Variants in PLXDC2 observed in about 807,000 individuals in gnomAD.
PLXDC2 encodes the protein plexin domain-containing protein 2.
In PLXDC2, 40 loss-of-function variants were observed where a neutral mutation model predicts 68.9. That is an observed-to-expected ratio of 0.58 (90% CI 0.45 to 0.76). The LOEUF is 0.76. Ranked by LOEUF, PLXDC2 falls within the 30% of genes least tolerant of loss-of-function variation. PLXDC2 has a pLI of 0.00. For missense variants in PLXDC2, 644 were observed against 661.9 expected (o/e 0.97, Z 0.30); for synonymous variants, 243 against 234.2 (o/e 1.04, Z -0.34).
chr10:20,212,383 A>T (rs917044052), intron 10 of PLXDC2, among the ~76,000 whole-genome samples: 1 of 152,134 alleles, frequency 6.6e-6, no homozygotes, highest in Non-Finnish European at 1.5e-5. Context: ...AGAGACAAGG[A>T]TGCAGTGAAG....
chr10:19,878,664 A>G (rs761959128), intron 1 of PLXDC2, among the ~76,000 whole-genome samples: 9 of 152,190 alleles, frequency 5.9e-5, no homozygotes, highest in South Asian at 2.1e-4. Flanking sequence ...ATTGAAGCTC[A>G]TATGGTTTAA....
At chr10:19,963,211 C>T (rs964589463) in intron 1 of PLXDC2, among the ~76,000 whole-genome samples, 3 of 152,134 alleles carry the variant, frequency 2.0e-5, no homozygotes, top group Non-Finnish European at 2.9e-5. Flanking sequence ...AGAAGTAACA[C>T]ACTCCATTGA....
At chr10:20,059,792 C>G (rs570426309) in intron 3 of PLXDC2, among the ~76,000 whole-genome samples, 3 of 151,886 alleles carry the variant, frequency 2.0e-5, no homozygotes, top group Non-Finnish European at 4.4e-5. Context: ...AAAAAAAATT[C>G]TACATGGTAA....
chr10:20,037,759 A>G (rs896394176), intron 2 of PLXDC2, among the ~76,000 whole-genome samples: 1 of 152,202 alleles, frequency 6.6e-6, no homozygotes, highest in Admixed American at 6.6e-5. Context: ...ATGGCCATAT[A>G]GCTCACCCAA....
chr10:19,965,600 T>G (rs1834234051), intron 1 of PLXDC2, among the ~76,000 whole-genome samples: 1 of 152,058 alleles, frequency 6.6e-6, no homozygotes, highest in African/African-American at 2.4e-5. Context: ...AATAAAGCTG[T>G]GTTTGTGGTG....
chr10:19,913,323 T>C (rs1368183521), intron 1 of PLXDC2, among the ~76,000 whole-genome samples: 2 of 152,070 alleles, frequency 1.3e-5, no homozygotes, highest in East Asian at 3.9e-4. Context: ...CCTCCTGCTC[T>C]CCCTTTCCTT....
intron 1 of PLXDC2, among the ~76,000 whole-genome samples, chr10:19,842,355 G>T (rs745802026): frequency 6.6e-6 from 1 of 152,058 alleles, no homozygotes; most frequent in African/African-American, 2.4e-5. Flanking sequence ...CTTAGCATGC[G>T]TTGAGGCATA....
chr10:19,928,154 A>G (rs73603671), intron 1 of PLXDC2, among the ~76,000 whole-genome samples: 5,578 of 152,318 alleles, frequency 0.037, 344 homozygotes, highest in African/African-American at 0.13. Context: ...ATAGTATTCC[A>G]TAGTGTATAT....
At chr10:20,086,696 C>T (rs771757532) in intron 4 of PLXDC2, among the ~76,000 whole-genome samples, 6 of 152,092 alleles carry the variant, frequency 3.9e-5, no homozygotes, top group Non-Finnish European at 8.8e-5. Context: ...TTTTCCTCCC[C>T]TTCGAGAACA....
At chr10:20,073,697 G>C (rs879443317) in intron 4 of PLXDC2, among the ~76,000 whole-genome samples, 2 of 151,806 alleles carry the variant, frequency 1.3e-5, no homozygotes, top group Non-Finnish European at 2.9e-5. Flanking sequence ...AAATATTTCA[G>C]GCACTAGAAA....
chr10:20,216,844 C>A (rs114641761), intron 10 of PLXDC2, among the ~76,000 whole-genome samples: 2 of 152,160 alleles, frequency 1.3e-5, no homozygotes, highest in East Asian at 3.9e-4. Context: ...GGAAAATAGG[C>A]TGAGTGATTA....
rs577533492 is a variant in PLXDC2, at chr10:19,894,618, A to G, written c.112+77427A>G. Among the ~76,000 whole-genome samples, 8 of 152,318 alleles carry G rather than the reference A, an allele frequency of 5.3e-5. No individual in the cohort carries two copies. The East Asian group carries it at 1.3e-3, about 26-fold the overall frequency. ...GGCATAAGTATTTTTATTTTTATCT[A>G]CAATGTTACATCAGCACTATCAGGT... On this transcript the variant is annotated intron_variant, in intron 1 of 13. Transcript: ENST00000377252.
rs564058032 is a variant in PLXDC2 at position 20,285,230 on chromosome 10, G to A, written c.*5411G>A. On this transcript the variant is annotated 3_prime_UTR_variant, in exon 14 of 14. Coordinates refer to ENST00000377252, the MANE Select transcript of PLXDC2 (RefSeq NM_032812.9). ...CTTTTATATACTCCTATTACCTTATGTTTGTGAAGCATTTTACATTTTACA... is the reference window on the plus strand; with the variant it reads ...CTTTTATATACTCCTATTACCTTATATTTGTGAAGCATTTTACATTTTACA... 7 of 152,156 alleles carry A rather than the reference G, an allele frequency of 4.6e-5. No homozygotes were observed. The highest frequency in any genetic ancestry group is 1.7e-4 in the African/African-American group (7 of 41,486). The allele number at this position is 152,156 out of a possible 1,614,324, so 9.4% of individuals were successfully genotyped here.
intron 4 of PLXDC2, among the ~76,000 whole-genome samples, chr10:20,099,199 G>A (rs1233213242): frequency 1.3e-5 from 2 of 151,996 alleles, no homozygotes; most frequent in Non-Finnish European, 2.9e-5. Context: ...TGAAATATTT[G>A]GAAAATACTG....
chr10:19,931,952 A>AGTGTGTGT (rs33953625), intron 1 of PLXDC2, among the ~76,000 whole-genome samples: 6,889 of 149,704 alleles, frequency 0.046, 157 homozygotes, highest in Non-Finnish European at 0.061. Flanking sequence ...TAATTTGGGA[A>AGTGTGTGT]GTGTGTGTGT....
At chr10:20,164,371 C>G in intron 6 of PLXDC2, 97 bp from the exon 7 acceptor site, 1 of 996,100 alleles carries the variant, frequency 1.0e-6, no homozygotes, top group Non-Finnish European at 1.6e-6. Flanking sequence ...TATCTCCTTC[C>G]CATGGTTTTG....
At chr10:20,008,025 GT>G (rs1225341327) in intron 2 of PLXDC2, among the ~76,000 whole-genome samples, 1 of 152,178 alleles carries the variant, frequency 6.6e-6, no homozygotes, top group Non-Finnish European at 1.5e-5. Flanking sequence ...GAGATAAACA[GT>G]TTTTCTCTTA....
At chr10:20,182,833 C>T (rs1248584150) in intron 9 of PLXDC2, among the ~76,000 whole-genome samples, 2 of 151,970 alleles carry the variant, frequency 1.3e-5, no homozygotes, top group Admixed American at 6.6e-5. Flanking sequence ...TGTCCTACTG[C>T]TGTCCCTCCC....
chr10:19,905,561 G>A (rs1318637680), intron 1 of PLXDC2, among the ~76,000 whole-genome samples: 3 of 152,052 alleles, frequency 2.0e-5, no homozygotes, highest in Non-Finnish European at 4.4e-5. Context: ...AAAGGTGGCA[G>A]GACTGGTGAT....
Sources: allele counts gnomAD v4.1 joint callset (sites outside exome capture counted in the v4.1 genomes callset), GRCh38; gene constraint gnomAD v4.1.1; transcripts MANE v1.5; gene names NCBI Gene and HGNC (gene_info 2026-07-23, HGNC 2026-07-21).